The following CTXN2 variants were observed in gnomAD, a reference collection of about 807,000 sequenced individuals.
The protein encoded by CTXN2 is cortexin-2.
A neutral mutation model predicts 5.7 loss-of-function variants in CTXN2; 3 were observed. That is an observed-to-expected ratio of 0.53 (90% CI 0.24 to 1.36). CTXN2 has a LOEUF of 1.36. CTXN2 is among the 40% of genes most tolerant of loss of function. CTXN2 has a pLI of 0.17. For missense variants in CTXN2, 87 were observed against 93.0 expected (o/e 0.94, Z 0.26); for synonymous variants, 38 against 36.4 (o/e 1.04, Z -0.16).
At chr15:48,178,672 C>T (rs573032381) in intron 1 of CTXN2, 1 of 162,326 alleles carries the variant, frequency 6.2e-6, no homozygotes, top group African/African-American at 2.4e-5. Flanking sequence ...GAACACACCA[C>T]TTTGCATCTT....
chr15:48,186,857 C>T (rs2040761728), upstream of CTXN2, among the ~76,000 whole-genome samples: 1 of 139,656 alleles, frequency 7.2e-6, no homozygotes, highest in Non-Finnish European at 1.5e-5. Flanking sequence ...TTGCAGTGAG[C>T]AGAGATCGAG....
intron 1 of CTXN2, among the ~76,000 whole-genome samples, chr15:48,199,246 G>A (rs1050132496): frequency 6.6e-6 from 1 of 152,146 alleles, no homozygotes; most frequent in Non-Finnish European, 1.5e-5. Context: ...CACGACTTTG[G>A]GTGAAGCAGC....
chr15:48,192,047 C>T, intron 1 of CTXN2, 194 bp downstream of exon 1: 1 of 324,824 alleles, frequency 3.1e-6, no homozygotes, highest in South Asian at 2.5e-5. Context: ...AGAAACAGCA[C>T]CCCTAATGCT....
intron 1 of CTXN2, among the ~76,000 whole-genome samples, chr15:48,180,981 T>C (rs1037866932): frequency 2.0e-5 from 3 of 152,214 alleles, no homozygotes; most frequent in African/African-American, 7.2e-5. Context: ...CTTAGTTTTC[T>C]TTCTTACAAA....
intron 1 of CTXN2, chr15:48,178,470 G>C (rs1185844107): frequency 2.2e-6 from 1 of 455,524 alleles, no homozygotes; most frequent in African/African-American, 2.1e-5. Context: ...CAGGGCCGCT[G>C]TTGCTGCAGT....
intron 1 of CTXN2, among the ~76,000 whole-genome samples, chr15:48,185,902 C>T (rs945674236): frequency 5.3e-5 from 8 of 152,156 alleles, no homozygotes; most frequent in South Asian, 4.1e-4. Flanking sequence ...AAAACATTAA[C>T]GTATTGGGGA....
upstream of CTXN2, among the ~76,000 whole-genome samples, chr15:48,186,931 A>T (rs1366635448): frequency 6.6e-6 from 1 of 150,740 alleles, no homozygotes; most frequent in Non-Finnish European, 1.5e-5. Context: ...AAAAAAAAAA[A>T]GTAGGAGTTT....
intron 1 of CTXN2, among the ~76,000 whole-genome samples, chr15:48,178,959 T>C (rs1256546834): frequency 6.6e-6 from 1 of 151,700 alleles, no homozygotes; most frequent in African/African-American, 2.4e-5. Flanking sequence ...TCCATAATTA[T>C]AAAATATCGT....
chr15:48,179,688 G>A (rs1288635699), intron 1 of CTXN2, among the ~76,000 whole-genome samples: 1 of 152,102 alleles, frequency 6.6e-6, no homozygotes, highest in African/African-American at 2.4e-5. Flanking sequence ...ACAGGATTGA[G>A]GTGAGGATTA....
At chr15:48,188,405 A>G (rs1744939445), upstream of CTXN2, among the ~76,000 whole-genome samples, 1 of 152,190 alleles carries the variant, frequency 6.6e-6, no homozygotes, top group South Asian at 2.1e-4. Flanking sequence ...TAAGTGAGGT[A>G]TGAAAGTTCA....
intron 1 of CTXN2, among the ~76,000 whole-genome samples, chr15:48,185,917 C>A (rs1447318056): frequency 6.6e-6 from 1 of 152,176 alleles, no homozygotes; most frequent in Non-Finnish European, 1.5e-5. Context: ...TGGGGAAAAT[C>A]ATGTATAAAA....
intron 1 of CTXN2, among the ~76,000 whole-genome samples, chr15:48,184,046 A>G (rs1049629744): frequency 3.3e-5 from 5 of 152,220 alleles, no homozygotes; most frequent in Non-Finnish European, 7.3e-5. Context: ...AATTATTACA[A>G]TTAATCAGTC....
At chr15:48,185,918 A>G (rs1284915918) in intron 1 of CTXN2, among the ~76,000 whole-genome samples, 3 of 152,238 alleles carry the variant, frequency 2.0e-5, no homozygotes, top group African/African-American at 4.8e-5. Flanking sequence ...GGGGAAAATC[A>G]TGTATAAAAC....
chr15:48,198,509 T>C (rs968523408), intron 1 of CTXN2, among the ~76,000 whole-genome samples: 3 of 152,174 alleles, frequency 2.0e-5, no homozygotes, highest in African/African-American at 7.2e-5. Flanking sequence ...AATTTACATA[T>C]CATCTAAGGC....
chr15:48,189,460 T>C (rs2040792443), upstream of CTXN2: 1 of 152,242 alleles, frequency 6.6e-6, no homozygotes, highest in Non-Finnish European at 1.5e-5. Flanking sequence ...GTGGTGCTTA[T>C]ACATCCGCAG....
intron 1 of CTXN2, among the ~76,000 whole-genome samples, chr15:48,196,958 T>G (rs1028139772): frequency 6.6e-6 from 1 of 151,910 alleles, no homozygotes; most frequent in African/African-American, 2.4e-5. Context: ...GATTTTTAAC[T>G]CATTTAATGT....
chr15:48,185,575 A>T (rs146068101), intron 1 of CTXN2, among the ~76,000 whole-genome samples: 20 of 152,352 alleles, frequency 1.3e-4, no homozygotes, highest in African/African-American at 4.1e-4. Context: ...TACAAAGCTA[A>T]GAAAATGCTA....
In CTXN2 at chr15:48,191,797, G is replaced by GT. The variant is rs1412595351; in HGVS notation, c.-113dup. 2.2e-6 allele frequency: 1 copy of GT among 455,948 alleles called. No individual in the cohort carries two copies. Among genetic ancestry groups the GT allele is most frequent in the South Asian group, 1.5e-5 (1 of 64,552 alleles). The allele number at this position is 455,948 out of a possible 1,614,324, so 28.2% of individuals were successfully genotyped here. A position where few individuals can be genotyped will look rare whatever the true frequency, so the allele number is the denominator to read the frequency against. Reference sequence around the variant, plus strand: ...AACCGATCAGCGAACACAGACAAACGTGCCAACACTTAAGTCTACTGGCTG... The same window carrying GT: ...AACCGATCAGCGAACACAGACAAACGTTGCCAACACTTAAGTCTACTGGCTG... On this transcript the variant is annotated 5_prime_UTR_variant, in exon 1 of 2. Transcript: ENST00000417307.
chr15:48,195,506 C>A (rs186057830), intron 1 of CTXN2, among the ~76,000 whole-genome samples: 2 of 152,248 alleles, frequency 1.3e-5, no homozygotes, highest in Admixed American at 6.5e-5. Context: ...ACCTTTCCAA[C>A]GCTTTGTTTC....
Sources: allele counts gnomAD v4.1 joint callset (sites outside exome capture counted in the v4.1 genomes callset), GRCh38; gene constraint gnomAD v4.1.1; transcripts MANE v1.5; gene names NCBI Gene and HGNC (gene_info 2026-07-23, HGNC 2026-07-21).